Variants in FAM117B observed in about 807,000 individuals in gnomAD.
FAM117B encodes protein FAM117B.
Under a neutral mutation model 52.8 loss-of-function variants are expected in FAM117B, and 22 were observed. The observed-to-expected ratio is 0.42, with a 90% CI of 0.30 to 0.59. FAM117B has a LOEUF of 0.59. Among genes scored for constraint, FAM117B ranks in the 20% least tolerant of loss-of-function variants. The pLI is 0.22. For missense variants in FAM117B, 678 were observed against 802.6 expected (o/e 0.84, Z 1.88); for synonymous variants, 309 against 324.1 (o/e 0.95, Z 0.50).
At chr2:202,641,715 T>C (rs932941708) in intron 1 of FAM117B, among the ~76,000 whole-genome samples, 1 of 151,762 alleles carries the variant, frequency 6.6e-6, no homozygotes, top group Admixed American at 6.6e-5. Flanking sequence ...CTTGGCTCAT[T>C]GTAACCTCCG....
At chr2:202,676,607 T>C (rs539598367) in intron 1 of FAM117B, among the ~76,000 whole-genome samples, 79 of 152,248 alleles carry the variant, frequency 5.2e-4, no homozygotes, top group African/African-American at 1.8e-3. Context: ...CTTGAACTCC[T>C]GACCTCGTGA....
At chr2:202,644,064 G>GTTTTTTTTTTTTTTT (rs1161026426) in intron 1 of FAM117B, among the ~76,000 whole-genome samples, 86 of 95,142 alleles carry the variant, frequency 9.0e-4, no homozygotes, top group African/African-American at 1.5e-3. Flanking sequence ...TTTTTTTTTT[G>GTTTTTTTTTTTTTTT]TTTTTTTTTT....
At chr2:202,665,767 A>AT (rs1330453067) in intron 1 of FAM117B, among the ~76,000 whole-genome samples, 4 of 152,036 alleles carry the variant, frequency 2.6e-5, no homozygotes, top group Non-Finnish European at 2.9e-5. Flanking sequence ...TGCCTGGCTA[A>AT]TTTTTGTATT....
At chr2:202,727,075 A>G (rs1691256508) in intron 4 of FAM117B, among the ~76,000 whole-genome samples, 1 of 151,964 alleles carries the variant, frequency 6.6e-6, no homozygotes, top group African/African-American at 2.4e-5. Context: ...TTTTTTACTG[A>G]ATTGAAATTG....
At chr2:202,660,859 A>G (rs911083630) in intron 1 of FAM117B, among the ~76,000 whole-genome samples, 2 of 152,218 alleles carry the variant, frequency 1.3e-5, no homozygotes, top group African/African-American at 2.4e-5. Context: ...CTTTGTGGTC[A>G]CTGCCGAAGC....
chr2:202,701,694 A>G (rs1208346990), intron 2 of FAM117B, among the ~76,000 whole-genome samples: 1 of 152,228 alleles, frequency 6.6e-6, no homozygotes, highest in Non-Finnish European at 1.5e-5. Context: ...GAGGGTTTCA[A>G]GACTTCAGTG....
chr2:202,675,681 A>G (rs1282663868), intron 1 of FAM117B, among the ~76,000 whole-genome samples: 1 of 152,026 alleles, frequency 6.6e-6, no homozygotes, highest in African/African-American at 2.4e-5. Flanking sequence ...TAGTGACTCA[A>G]TTCTAACAAA....
At chr2:202,635,843 G>A in intron 1 of FAM117B, 55 bp downstream of exon 1, 1 of 1,352,666 alleles carries the variant, frequency 7.4e-7, no homozygotes, top group Non-Finnish European at 9.5e-7. Context: ...AGGGGTCCCG[G>A]GCGCGCGCTG....
At chr2:202,754,208 A>C (rs1040201894) in intron 4 of FAM117B, among the ~76,000 whole-genome samples, 5 of 152,242 alleles carry the variant, frequency 3.3e-5, no homozygotes, top group African/African-American at 1.2e-4. Flanking sequence ...AAAAGGAATG[A>C]GATCATGTCC....
At chr2:202,658,906 A>G (rs1690087452) in intron 1 of FAM117B, among the ~76,000 whole-genome samples, 1 of 151,848 alleles carries the variant, frequency 6.6e-6, no homozygotes, top group Non-Finnish European at 1.5e-5. Context: ...TTGTTTTGTC[A>G]AATATTTTTT....
At position 202,727,786 on chromosome 2, in the gene FAM117B, A is replaced by T. The variant is rs867049567; in HGVS notation, c.960+1423A>T. On this transcript the variant is annotated intron_variant, in intron 4 of 7. Coordinates refer to ENST00000392238, the MANE Select transcript of FAM117B (RefSeq NM_173511.4). ...AGAGACTGTCTGGTTCACGAAGCCT[A>T]AAATACTTACTGTTTGGCCCTTTAC... Among the ~76,000 whole-genome samples the T allele has an allele frequency of 9.9e-5, 15 of 152,272 alleles. No homozygotes were observed. In the Middle Eastern group the frequency reaches 0.01, roughly 104 times the overall value.
intron 1 of FAM117B, among the ~76,000 whole-genome samples, chr2:202,637,045 C>T (rs1261982491): frequency 2.0e-5 from 3 of 151,730 alleles, no homozygotes; most frequent in Admixed American, 6.6e-5. Flanking sequence ...TACAGGCGAC[C>T]GCCACCATGC....
At chr2:202,640,295 A>ATATAT (rs1559091986) in intron 1 of FAM117B, among the ~76,000 whole-genome samples, 566 of 51,296 alleles carry the variant, frequency 0.011, 70 homozygotes, top group Non-Finnish European at 0.015. Flanking sequence ...ACCACCACAA[A>ATATAT]ATATATATAT....
intron 1 of FAM117B, among the ~76,000 whole-genome samples, chr2:202,683,778 AGAGAT>A (rs1559101533): frequency 2.0e-5 from 3 of 152,232 alleles, no homozygotes; most frequent in African/African-American, 7.2e-5. Flanking sequence ...AGAAAATAGA[AGAGAT>A]AATACCGTAA....
At chr2:202,676,569 G>A (rs893761201) in intron 1 of FAM117B, among the ~76,000 whole-genome samples, 2 of 151,876 alleles carry the variant, frequency 1.3e-5, no homozygotes, top group South Asian at 4.2e-4. Flanking sequence ...TAGTAGAGAC[G>A]GGGTTTCACC....
At chr2:202,644,195 T>G (rs1689828925) in intron 1 of FAM117B, among the ~76,000 whole-genome samples, 1 of 151,434 alleles carries the variant, frequency 6.6e-6, no homozygotes, top group African/African-American at 2.4e-5. Context: ...TTTGGTTAAA[T>G]CAGTATTAAT....
At chr2:202,735,371 C>G (rs910031147) in intron 4 of FAM117B, among the ~76,000 whole-genome samples, 1 of 152,262 alleles carries the variant, frequency 6.6e-6, no homozygotes, top group South Asian at 2.1e-4. Context: ...AAATTAATCT[C>G]TTAACATTGA....
rs892875901 is a variant in FAM117B at position 202,675,744 on chromosome 2, G to C, written c.602-20137G>C. On this transcript the variant is annotated intron_variant, in intron 1 of 7. Transcript: ENST00000392238. ...TCACCCCTGTAATCCTAGAATTCTG[G>C]GAGGCCGAGGTGGGCAGATCACTTG... Among the ~76,000 whole-genome samples, 57 of 152,086 alleles carry C rather than the reference G, an allele frequency of 3.7e-4. 1 individual carries two copies. Among genetic ancestry groups the C allele is most frequent in the Admixed American group, 3.7e-3 (57 of 15,280 alleles).
chr2:202,638,958 A>G (rs559126135), intron 1 of FAM117B, among the ~76,000 whole-genome samples: 1 of 152,332 alleles, frequency 6.6e-6, no homozygotes, highest in East Asian at 1.9e-4. Context: ...TTCAGATTTC[A>G]GGTGTTCATA....
Sources: allele counts gnomAD v4.1 joint callset (sites outside exome capture counted in the v4.1 genomes callset), GRCh38; gene constraint gnomAD v4.1.1; transcripts MANE v1.5; gene names NCBI Gene and HGNC (gene_info 2026-07-23, HGNC 2026-07-21).